Variants in TGFB2 observed in about 807,000 individuals in gnomAD.
TGFB2 encodes the protein transforming growth factor beta-2 proprotein.
A neutral mutation model predicts 42.7 loss-of-function variants in TGFB2; 13 were observed. The ratio of observed to expected loss-of-function variants is 0.30; its 90% CI spans 0.20 to 0.48. TGFB2 has a LOEUF of 0.48. Ranked by LOEUF, TGFB2 falls within the 20% of genes least tolerant of loss-of-function variation. The pLI, the probability that TGFB2 is intolerant of heterozygous loss-of-function variation, is 0.99. For synonymous variants in TGFB2, 193 were observed against 193.6 expected (o/e 1.00, Z 0.03); for missense variants, 390 against 517.5 (o/e 0.75, Z 2.39).
intron 2 of TGFB2, among the ~76,000 whole-genome samples, chr1:218,407,382 A>G (rs564032217): frequency 1.3e-5 from 2 of 152,264 alleles, no homozygotes; most frequent in Admixed American, 6.5e-5. Flanking sequence ...GCCTGGCCCC[A>G]GTTTTAAAGT....
Position 218,436,039 on chromosome 1 carries a change from G to C in TGFB2, c.824G>C (p.Ser275Thr). 1 of 1,614,072 alleles carries C rather than the reference G, an allele frequency of 6.2e-7. No individual in the cohort carries two copies. The highest frequency in any genetic ancestry group is 1.1e-5 in the South Asian group (1 of 91,080). Residue 275 changes from serine (S) to threonine (T), a missense_variant, in exon 5 of 7, where the codon AGT becomes ACT. Transcript: ENST00000366930. The stretch of plus-strand genomic sequence containing the variant: ...ATAAAGTCCACTAGGAAAAAAAACA[G>C]TGGGAAGACCCCACATCTCCTGCTA... ...KTIKSTRKKN[S>T]GKTPHLLLML...
At position 218,345,805 on chromosome 1, in the gene TGFB2, G is replaced by A. The variant is rs1368157000; in HGVS notation, c.-897G>A. The A allele has an allele frequency of 6.6e-6, 1 of 152,666 alleles. No individual in the cohort carries two copies. Among genetic ancestry groups the A allele is most frequent in the African/African-American group, 2.4e-5 (1 of 41,442 alleles). 9.5% of individuals were successfully genotyped at this position (152,666 alleles called of 1,614,324 possible). ...TGGGTTGGCGTTTGGAGCAAGAGAA[G>A]GAGGAGCAGGAGAAGGAGGGAGCTG... On this transcript the variant is annotated 5_prime_UTR_variant, in exon 1 of 7. Transcript: ENST00000366930.
chr1:218,412,488 G>A (rs948435036), intron 2 of TGFB2, among the ~76,000 whole-genome samples: 5 of 152,174 alleles, frequency 3.3e-5, no homozygotes, highest in Admixed American at 2.0e-4. Flanking sequence ...ACGTCAGAAC[G>A]ACCTTCCTCG....
chr1:218,415,722 A>AT, intron 2 of TGFB2, among the ~76,000 whole-genome samples: 1 of 150,006 alleles, frequency 6.7e-6, no homozygotes, highest in South Asian at 2.1e-4. Flanking sequence ...AAAAAAAAAA[A>AT]AAGTTGCAGA....
intron 2 of TGFB2, among the ~76,000 whole-genome samples, chr1:218,429,489 A>C (rs1659735225): frequency 6.6e-6 from 1 of 152,164 alleles, no homozygotes; most frequent in Non-Finnish European, 1.5e-5. Flanking sequence ...TTATGCATTC[A>C]TCTCTTGATG....
At chr1:218,441,101 C>A in intron 6 of TGFB2, 103 bp from the exon 7 acceptor site, 1 of 1,112,004 alleles carries the variant, frequency 9.0e-7, no homozygotes, top group Non-Finnish European at 1.3e-6. Context: ...AAATTGCCTA[C>A]TCAGTGCTGT....
intron 1 of TGFB2, among the ~76,000 whole-genome samples, chr1:218,368,383 C>T (rs1273677758): frequency 6.9e-6 from 1 of 145,634 alleles, no homozygotes; most frequent in Non-Finnish European, 1.5e-5. Context: ...GTGATCCACC[C>T]ACCTTGGCAT....
chr1:218,399,128 A>G (rs771100827), intron 1 of TGFB2, among the ~76,000 whole-genome samples: 13 of 151,994 alleles, frequency 8.6e-5, no homozygotes, highest in African/African-American at 2.2e-4. Flanking sequence ...GCCTTAACCA[A>G]TCCTCCCACT....
At chr1:218,394,486 A>T (rs935784722) in intron 1 of TGFB2, among the ~76,000 whole-genome samples, 1 of 151,920 alleles carries the variant, frequency 6.6e-6, no homozygotes, top group Non-Finnish European at 1.5e-5. Context: ...TTTTTTGCGC[A>T]GTGTAAGAAG....
At chr1:218,405,388 T>A (rs779739585) in intron 2 of TGFB2, 56 bp downstream of exon 2, 2 of 1,364,786 alleles carry the variant, frequency 1.5e-6, no homozygotes, top group Non-Finnish European at 2.0e-6. Flanking sequence ...AGACAGACTC[T>A]CTCTCTCTCT....
At chr1:218,413,140 G>A (rs568420984) in intron 2 of TGFB2, among the ~76,000 whole-genome samples, 4 of 152,302 alleles carry the variant, frequency 2.6e-5, no homozygotes, top group Admixed American at 6.5e-5. Flanking sequence ...GGGAGGCTGA[G>A]GCAGGTGGAT....
Position 218,367,757 on chromosome 1 carries a change from G to A in TGFB2, c.346+20710G>A, listed in dbSNP as rs138305435. ...AAGATAAATGTCAAATGCATGTAGAGACCTTTGGAAGAGAAAGGTGAAGAG... is the reference window on the plus strand; with the variant it reads ...AAGATAAATGTCAAATGCATGTAGAAACCTTTGGAAGAGAAAGGTGAAGAG... On this transcript the variant is annotated intron_variant, in intron 1 of 6. Coordinates refer to ENST00000366930, the MANE Select transcript of TGFB2 (RefSeq NM_003238.6). 1.4e-3 allele frequency among the ~76,000 whole-genome samples: 211 copies of A among 152,294 alleles called. 3 individuals carry two copies. Among genetic ancestry groups the A allele is most frequent in the Admixed American group, 6.8e-3 (104 of 15,284 alleles).
chr1:218,385,691 T>C (rs959095490), intron 1 of TGFB2, among the ~76,000 whole-genome samples: 4 of 152,088 alleles, frequency 2.6e-5, no homozygotes, highest in African/African-American at 9.7e-5. Flanking sequence ...TCCTAGTGTG[T>C]CCTTCAAAAC....
chr1:218,402,963 G>T (rs1658778257), intron 1 of TGFB2, among the ~76,000 whole-genome samples: 1 of 152,170 alleles, frequency 6.6e-6, no homozygotes, highest in South Asian at 2.1e-4. Flanking sequence ...GTCGGCATAG[G>T]ACCAGCTGTT....
At chr1:218,360,153 C>T (rs547242494) in intron 1 of TGFB2, among the ~76,000 whole-genome samples, 3 of 152,134 alleles carry the variant, frequency 2.0e-5, no homozygotes, top group African/African-American at 4.8e-5. Context: ...TAATTCAGTT[C>T]GTTTTAAGAT....
At chr1:218,437,752 G>A (rs1234917224) in intron 6 of TGFB2, among the ~76,000 whole-genome samples, 1 of 152,152 alleles carries the variant, frequency 6.6e-6, no homozygotes, top group African/African-American at 2.4e-5. Flanking sequence ...GACACTGATC[G>A]GTTACAAACC....
chr1:218,360,805 G>A (rs17047726), intron 1 of TGFB2, among the ~76,000 whole-genome samples: 3,302 of 152,302 alleles, frequency 0.022, 114 homozygotes, highest in African/African-American at 0.073. Context: ...TCTAAACAGA[G>A]TGTATCCATA....
Position 218,420,636 on chromosome 1 carries a change from T to G in TGFB2, c.511-13446T>G, listed in dbSNP as rs554434231. Reference sequence around the variant, plus strand: ...TGTGTGTGTGTGCATGTGTGTTGTGTGCGTGTATGTGTGTATGTGTGTAAC... The same window carrying G: ...TGTGTGTGTGTGCATGTGTGTTGTGGGCGTGTATGTGTGTATGTGTGTAAC... On this transcript the variant is annotated intron_variant, in intron 2 of 6. Transcript: ENST00000366930. Among the ~76,000 whole-genome samples, 12 of 152,216 alleles carry G rather than the reference T, an allele frequency of 7.9e-5. No individual in the cohort carries two copies. In the South Asian group the frequency reaches 2.5e-3, roughly 32 times the overall value.
At chr1:218,382,324 T>C (rs1657992587) in intron 1 of TGFB2, among the ~76,000 whole-genome samples, 1 of 152,042 alleles carries the variant, frequency 6.6e-6, no homozygotes, top group South Asian at 2.1e-4. Context: ...TTTGGTTGAG[T>C]CTCACCCAAA....
Sources: gnomAD v4.1 joint callset for allele counts (sites outside exome capture counted in the v4.1 genomes callset) on GRCh38, gnomAD v4.1.1 for gene constraint, MANE v1.5 for transcripts, NCBI Gene and HGNC (gene_info 2026-07-23, HGNC 2026-07-21) for gene names.